The following FARS2 variants were observed in gnomAD, a reference collection of about 807,000 sequenced individuals.
The protein encoded by FARS2 is phenylalanyl-tRNA synthetase 2, mitochondrial, also known as phenylalanine--tRNA ligase, mitochondrial.
A neutral mutation model predicts 46.4 loss-of-function variants in FARS2; 40 were observed. The ratio of observed to expected loss-of-function variants is 0.86; its 90% CI spans 0.67 to 1.12. The LOEUF (loss-of-function observed/expected upper bound fraction) is 1.12. Ranked by LOEUF, FARS2 falls within the 50% of genes most tolerant of loss-of-function variation. FARS2 has a pLI of 0.00. For missense variants in FARS2, 513 were observed against 567.9 expected (o/e 0.90, Z 0.98); for synonymous variants, 234 against 214.9 (o/e 1.09, Z -0.78).
chr6:5,607,337 T>C (rs1235643793), intron 5 of FARS2, among the ~76,000 whole-genome samples: 2 of 149,052 alleles, frequency 1.3e-5, no homozygotes, highest in East Asian at 3.9e-4. Context: ...GTGTATTTCT[T>C]AAAGAAGAGA....
chr6:5,285,065 C>T lies in FARS2; in HGVS notation c.-22+23405C>T, dbSNP rs116796869. ...CTTCCATGTGCCTGGCTCTAAGAAG[C>T]CAGGTAGCAAGGAGAAAAAGTGACA... On this transcript the variant is annotated intron_variant, in intron 1 of 6. Coordinates refer to ENST00000274680, the MANE Select transcript of FARS2 (RefSeq NM_006567.5). Among the ~76,000 whole-genome samples the T allele has an allele frequency of 4.5e-3, 681 of 152,204 alleles. 5 individuals carry two copies. The highest frequency in any genetic ancestry group is 5.9e-3 in the Non-Finnish European group (402 of 68,024).
At chr6:5,653,075 G>T (rs79452135) in intron 6 of FARS2, among the ~76,000 whole-genome samples, 6,790 of 152,154 alleles carry the variant, frequency 0.045, 350 homozygotes, top group African/African-American at 0.12. Flanking sequence ...CTCTTCTTAC[G>T]TCAAAGATAG....
At chr6:5,549,005 G>GCTTA in intron 5 of FARS2, among the ~76,000 whole-genome samples, 1 of 152,096 alleles carries the variant, frequency 6.6e-6, no homozygotes, top group East Asian at 1.9e-4. Context: ...GTTTCCTGTT[G>GCTTA]CTTAGGTAAC....
the FARS2 span, among the ~76,000 whole-genome samples, chr6:5,250,256 C>T: frequency 6.6e-6 from 1 of 151,900 alleles, no homozygotes; most frequent in Non-Finnish European, 1.5e-5. Context: ...AAGGCCAAGG[C>T]AAAGTATAAA....
At chr6:5,326,744 C>T (rs1204890880) in intron 1 of FARS2, among the ~76,000 whole-genome samples, 1 of 152,198 alleles carries the variant, frequency 6.6e-6, no homozygotes, top group Non-Finnish European at 1.5e-5. Context: ...ATGGCATCTC[C>T]ATGTGCCAGT....
intron 4 of FARS2, among the ~76,000 whole-genome samples, chr6:5,477,428 T>C (rs527259512): frequency 1.6e-4 from 24 of 152,310 alleles, no homozygotes; most frequent in African/African-American, 5.3e-4. Context: ...AGAACAGGGT[T>C]GATTAATGCC....
At chr6:5,664,763 A>G (rs754506344) in intron 6 of FARS2, among the ~76,000 whole-genome samples, 5 of 152,200 alleles carry the variant, frequency 3.3e-5, no homozygotes, top group Admixed American at 6.5e-5. Context: ...GCGTAGGCAT[A>G]TAACTGTGAT....
Position 5,737,787 on chromosome 6 carries a change from A to G in FARS2, c.1218-33504A>G, listed in dbSNP as rs367962169. On this transcript the variant is annotated intron_variant, in intron 6 of 6. Coordinates refer to ENST00000274680, the MANE Select transcript of FARS2 (RefSeq NM_006567.5). The stretch of plus-strand genomic sequence containing the variant: ...GTACCCTTCTTCCGTCTATCTGTGC[A>G]TTGCTGATAGGAGGACTGGAGAGGG... Among the ~76,000 whole-genome samples, 16 of 152,218 alleles carry G rather than the reference A, an allele frequency of 1.1e-4. No individual in the cohort carries two copies. In the East Asian group the frequency reaches 2.1e-3, roughly 20 times the overall value.
intron 4 of FARS2, among the ~76,000 whole-genome samples, chr6:5,465,270 G>A (rs2742983): frequency 0.88 from 134,239 of 152,252 alleles, 59,560 homozygotes; most frequent in East Asian, 1. Flanking sequence ...TTCATCTTCA[G>A]CAACTGTCTG....
chr6:5,614,748 G>A (rs1258710665), intron 6 of FARS2, among the ~76,000 whole-genome samples: 1 of 152,178 alleles, frequency 6.6e-6, no homozygotes, highest in South Asian at 2.1e-4. Flanking sequence ...GATGTTCAGT[G>A]TTCACTGCCA....
At chr6:5,720,083 C>T (rs960375381) in intron 6 of FARS2, among the ~76,000 whole-genome samples, 3 of 152,050 alleles carry the variant, frequency 2.0e-5, no homozygotes, top group African/African-American at 7.2e-5. Context: ...AGCTAGATCA[C>T]CCTGCATTCA....
intron 4 of FARS2, among the ~76,000 whole-genome samples, chr6:5,473,255 G>A (rs2552290): frequency 0.059 from 8,959 of 151,082 alleles, 339 homozygotes; most frequent in African/African-American, 0.11. Flanking sequence ...GGCCAGGCGC[G>A]GTGGCTCATG....
intron 6 of FARS2, among the ~76,000 whole-genome samples, chr6:5,742,316 C>T (rs1761394892): frequency 6.6e-6 from 1 of 152,204 alleles, no homozygotes; most frequent in Non-Finnish European, 1.5e-5. Flanking sequence ...CTTCTCTCTG[C>T]GTTGCTTCTT....
intron 4 of FARS2, among the ~76,000 whole-genome samples, chr6:5,507,139 A>T (rs1264164743): frequency 6.6e-6 from 1 of 152,204 alleles, no homozygotes; most frequent in African/African-American, 2.4e-5. Context: ...AGCCTTTCAG[A>T]GACAGAGGTT....
At chr6:5,511,381 G>A (rs11243014) in intron 4 of FARS2, among the ~76,000 whole-genome samples, 20,731 of 152,120 alleles carry the variant, frequency 0.14, 1,484 homozygotes, top group East Asian at 0.23. Flanking sequence ...CATTATGTTC[G>A]TATTAATACA....
chr6:5,298,607 A>G (rs1310358541), intron 1 of FARS2, among the ~76,000 whole-genome samples: 1 of 152,172 alleles, frequency 6.6e-6, no homozygotes, highest in African/African-American at 2.4e-5. Flanking sequence ...CTAGAGTCTC[A>G]TGTCCAGAGA....
chr6:5,441,245 C>G (rs764387796), intron 4 of FARS2, among the ~76,000 whole-genome samples: 1 of 151,934 alleles, frequency 6.6e-6, no homozygotes, highest in Non-Finnish European at 1.5e-5. Context: ...TCTAATGAGA[C>G]TAGAAAGGAT....
intron 4 of FARS2, among the ~76,000 whole-genome samples, chr6:5,500,457 C>T (rs1009532179): frequency 2.0e-5 from 3 of 152,208 alleles, no homozygotes; most frequent in Admixed American, 6.5e-5. Flanking sequence ...TCCTGGATGA[C>T]TGAAGGGAAA....
At chr6:5,676,072 T>TAA (rs111392535) in intron 6 of FARS2, among the ~76,000 whole-genome samples, 1 of 151,318 alleles carries the variant, frequency 6.6e-6, no homozygotes, top group South Asian at 2.1e-4. Context: ...TAGGCTCATA[T>TAA]AAAAAAAAAT....
Sources: gnomAD v4.1 joint callset for allele counts (sites outside exome capture counted in the v4.1 genomes callset) on GRCh38, gnomAD v4.1.1 for gene constraint, MANE v1.5 for transcripts, NCBI Gene and HGNC (gene_info 2026-07-23, HGNC 2026-07-21) for gene names.